The following TRPS1 variants were observed in gnomAD, a reference collection of about 807,000 sequenced individuals.
TRPS1 encodes transcriptional repressor GATA binding 1.
A neutral mutation model predicts 101.2 loss-of-function variants in TRPS1; 6 were observed. The ratio of observed to expected loss-of-function variants is 0.06; its 90% confidence interval spans 0.03 to 0.12. The LOEUF (loss-of-function observed/expected upper bound fraction) is 0.12. Among genes scored for constraint, TRPS1 ranks in the 10% least tolerant of loss-of-function variants. The pLI, the probability that TRPS1 is intolerant of heterozygous loss-of-function variation, is 1.00. For missense variants in TRPS1, 1,363 were observed against 1,567.0 expected (o/e 0.87, Z 2.20); for synonymous variants, 578 against 589.8 (o/e 0.98, Z 0.29).
At chr8:115,632,742 A>T (rs1818674903) in intron 1 of TRPS1, among the ~76,000 whole-genome samples, 1 of 152,158 alleles carries the variant, frequency 6.6e-6, no homozygotes, top group African/African-American at 2.4e-5. Flanking sequence ...GCATGCTTTC[A>T]ATGTATATGG....
intron 5 of TRPS1, among the ~76,000 whole-genome samples, chr8:115,557,747 T>C (rs200604499): frequency 6.6e-6 from 1 of 152,144 alleles, no homozygotes; most frequent in East Asian, 1.9e-4. Context: ...AAAGTGAGAA[T>C]GAACTAATAC....
chr8:115,617,739 T>TA (rs1030311755), intron 3 of TRPS1, among the ~76,000 whole-genome samples: 3 of 152,218 alleles, frequency 2.0e-5, no homozygotes, highest in African/African-American at 7.2e-5. Context: ...GTATCTGACA[T>TA]AAGACAGTGA....
At chr8:115,575,388 T>TGCATGTCTATGTGTGTGAGTGA (rs1325515410) in intron 5 of TRPS1, among the ~76,000 whole-genome samples, 4 of 152,106 alleles carry the variant, frequency 2.6e-5, no homozygotes, top group Non-Finnish European at 5.9e-5. Flanking sequence ...TGTTTGCAGG[T>TGCATGTCTATGTGTGTGAGTGA]GCATGTCTAT....
chr8:115,524,319 C>CTTTTTTTTTTTTTTTTTTTTTTTTTTCT (rs139406462), intron 5 of TRPS1, among the ~76,000 whole-genome samples: 1 of 70,726 alleles, frequency 1.4e-5, no homozygotes, highest in Non-Finnish European at 2.4e-5. Flanking sequence ...CTTCTTCTTC[C>CTTTTTTTTTTTTTTTTTTTTTTTTTTCT]TTTTTTTTTT....
rs1812827692 is a variant in TRPS1, at chr8:115,413,125, T to C, written c.*898A>G. ...CATCTATGCTTTTGAATTGAGGGGA[T>C]TCCTTTAGTTATAATGTGCCAAGTG... is the stretch of plus-strand genomic sequence containing the variant. On this transcript the variant is annotated 3_prime_UTR_variant, in exon 7 of 7. Coordinates refer to ENST00000395715, the MANE Select transcript of TRPS1 (RefSeq NM_014112.5). The C allele has an allele frequency of 6.6e-6, 1 of 152,174 alleles. No individual in the cohort carries two copies. Among genetic ancestry groups the C allele is most frequent in the South Asian group, 2.1e-4 (1 of 4,830 alleles). 9.4% of individuals were successfully genotyped at this position (152,174 alleles called of 1,614,324 possible).
At chr8:115,621,930 A>G (rs556064988) in intron 2 of TRPS1, among the ~76,000 whole-genome samples, 2 of 152,082 alleles carry the variant, frequency 1.3e-5, no homozygotes, top group Admixed American at 6.5e-5. Flanking sequence ...AAAAAAAACA[A>G]AAGCAAAAAC....
intron 3 of TRPS1, among the ~76,000 whole-genome samples, chr8:115,613,239 C>A (rs748368475): frequency 6.6e-6 from 1 of 152,124 alleles, no homozygotes; most frequent in Admixed American, 6.5e-5. Flanking sequence ...GCAAAAGTAC[C>A]AGGGAAAAGG....
chr8:115,447,037 G>A (rs886369460), intron 5 of TRPS1, among the ~76,000 whole-genome samples: 5 of 152,112 alleles, frequency 3.3e-5, no homozygotes, highest in South Asian at 4.2e-4. Context: ...TCCAAGACCC[G>A]GTGAATCAGA....
At chr8:115,665,127 G>A (rs531823943) in intron 1 of TRPS1, among the ~76,000 whole-genome samples, 22 of 152,072 alleles carry the variant, frequency 1.4e-4, no homozygotes, top group Non-Finnish European at 3.1e-4. Context: ...AAATATTCAT[G>A]TTATGAAAAA....
At chr8:115,482,598 A>C (rs921352060) in intron 5 of TRPS1, among the ~76,000 whole-genome samples, 2 of 152,166 alleles carry the variant, frequency 1.3e-5, no homozygotes, top group Non-Finnish European at 2.9e-5. Context: ...TAGGCCTTTT[A>C]GTGTTCCTTA....
rs796097130 is a variant in TRPS1 at position 115,469,201 on chromosome 8, T to C, written c.2701-50749A>G. ...ATGCTGAACCAAACAAAACTCCCAA[T>C]TGACAAGATGAAACAGTGTGAAGTG... On this transcript the variant is annotated intron_variant, in intron 5 of 6. Coordinates refer to ENST00000395715, the MANE Select transcript of TRPS1 (RefSeq NM_014112.5). Among the ~76,000 whole-genome samples, 5 of 152,178 alleles carry C rather than the reference T, an allele frequency of 3.3e-5. No individual in the cohort carries two copies. In the East Asian group the frequency reaches 5.8e-4, roughly 18 times the overall value.
intron 5 of TRPS1, among the ~76,000 whole-genome samples, chr8:115,445,313 G>T (rs2129901362): frequency 6.6e-6 from 1 of 152,262 alleles, no homozygotes; most frequent in South Asian, 2.1e-4. Flanking sequence ...CTTGCTTTAT[G>T]TCTACTATGC....
At chr8:115,481,405 C>A (rs1485411165) in intron 5 of TRPS1, among the ~76,000 whole-genome samples, 1 of 151,880 alleles carries the variant, frequency 6.6e-6, no homozygotes, top group African/African-American at 2.4e-5. Flanking sequence ...CAACCCCCCC[C>A]CACTCTTCTG....
chr8:115,437,300 C>A (rs3808406), intron 5 of TRPS1, among the ~76,000 whole-genome samples: 3 of 152,136 alleles, frequency 2.0e-5, no homozygotes, highest in Non-Finnish European at 4.4e-5. Context: ...ACCCCCATGA[C>A]GGGTGCCATG....
chr8:115,520,484 T>A (rs750248436), intron 5 of TRPS1, among the ~76,000 whole-genome samples: 1 of 151,816 alleles, frequency 6.6e-6, no homozygotes, highest in African/African-American at 2.4e-5. Flanking sequence ...ACTTATTGTT[T>A]ATGTAGGCTT....
Position 115,418,521 on chromosome 8 carries a change from C to T in TRPS1, c.2701-69G>A. 1.2e-6 allele frequency: 2 copies of T among 1,609,680 alleles called. No homozygotes were observed. Among genetic ancestry groups the T allele is most frequent in the South Asian group, 1.1e-5 (1 of 90,802 alleles). Reference sequence around the variant, plus strand: ...ATCAGTGGAGTTAGACCAAATCAACCCAGGAGTTTTGTCTTTAAACTAGCA... The same window carrying T: ...ATCAGTGGAGTTAGACCAAATCAACTCAGGAGTTTTGTCTTTAAACTAGCA... On this transcript the variant is annotated intron_variant, in intron 5 of 6. Transcript: ENST00000395715. This position sits in a 1 kb window ranked among gnomAD's most constrained non-coding sequence, Gnocchi z 4.3.
rs1358785004 is a variant in TRPS1 at position 115,619,557 on chromosome 8, G to T, written c.541C>A (p.Gln181Lys). The T allele has an allele frequency of 6.2e-7, 1 of 1,614,142 alleles. No homozygotes were observed. Among genetic ancestry groups the T allele is most frequent in the South Asian group, 1.1e-5 (1 of 91,080 alleles). ...PKATEETGQA[Q>K]SGQANCQGLS... Reference sequence around the variant, plus strand: ...CCTTGACAATTGGCTTGACCACTCTGTGCTTGCCCTGTTTCCTCTGTAGCC... The same window carrying T: ...CCTTGACAATTGGCTTGACCACTCTTTGCTTGCCCTGTTTCCTCTGTAGCC... Residue 181 changes from glutamine (Q) to lysine (K), a missense_variant, in exon 3 of 7, where the codon CAG becomes AAG. By Grantham distance (53) the Gln-to-Lys change is moderately conservative (BLOSUM62 1). Around this residue, in one of 5 missense-constraint regions of TRPS1, gnomAD observed 1,020 missense variants for 1,073.0 expected, o/e 0.95. Transcript: ENST00000395715.
intron 5 of TRPS1, among the ~76,000 whole-genome samples, chr8:115,496,588 A>G (rs1815154518): frequency 6.6e-6 from 1 of 152,222 alleles, no homozygotes; most frequent in African/African-American, 2.4e-5. Flanking sequence ...AAAGGCTATC[A>G]TTTATTATAA....
intron 5 of TRPS1, among the ~76,000 whole-genome samples, chr8:115,584,998 T>C (rs1817532800): frequency 6.6e-6 from 1 of 152,160 alleles, no homozygotes. Flanking sequence ...CTTTTATATA[T>C]GCATATGCAT....
Sources: gnomAD v4.1 joint callset for allele counts (sites outside exome capture counted in the v4.1 genomes callset) on GRCh38, gnomAD v4.1.1 for gene constraint, gnomAD v4.1.1 regional missense constraint, Gnocchi (gnomAD v3.1) non-coding constraint, MANE v1.5 for transcripts, NCBI Gene and HGNC (gene_info 2026-07-23, HGNC 2026-07-21) for gene names.